TEX15: variants seen among roughly 807,000 people sequenced by gnomAD.
TEX15 encodes the protein testis-expressed protein 15.
TEX15 carries 171 observed loss-of-function variants against 237.3 expected under a neutral mutation model. That is an observed-to-expected ratio of 0.72 (90% CI 0.64 to 0.82). The LOEUF (loss-of-function observed/expected upper bound fraction) is 0.82, where lower values mean the gene tolerates loss of function less well. TEX15 is among the 40% of genes least tolerant of loss of function. The pLI is 0.00. For missense variants in TEX15, 3,750 were observed against 3,646.5 expected (o/e 1.03, Z -0.73); for synonymous variants, 1,338 against 1,269.8 (o/e 1.05, Z -1.14).
At chr8:30,893,112 CTT>C (rs1243867961) in intron 2 of TEX15, among the ~76,000 whole-genome samples, 1 of 151,814 alleles carries the variant, frequency 6.6e-6, no homozygotes, top group Non-Finnish European at 1.5e-5. Flanking sequence ...GTACCAGACA[CTT>C]TTCTAAATGC....
intron 2 of TEX15, among the ~76,000 whole-genome samples, chr8:30,889,168 C>T (rs541341750): frequency 5.9e-5 from 9 of 152,304 alleles, no homozygotes; most frequent in Non-Finnish European, 1.5e-5. Flanking sequence ...AAGCACAATC[C>T]TCAATACTGT....
chr8:30,844,666 A>G lies in TEX15; in HGVS notation c.5501T>C (p.Ile1834Thr), dbSNP rs1207386704. 4 of 1,613,236 alleles carry G rather than the reference A, an allele frequency of 2.5e-6. No individual in the cohort carries two copies. Among genetic ancestry groups the G allele is most frequent in the Non-Finnish European group, 3.4e-6 (4 of 1,179,632 alleles). The change falls in exon 8 of 11, where the codon ATT becomes ACT. Residue 1834 changes from isoleucine (I) to threonine (T), a missense_variant. Physicochemically the swap from Ile to Thr is moderately conservative, Grantham distance 89. Coordinates refer to ENST00000643185, the MANE Select transcript of TEX15 (RefSeq NM_001350162.2). Reference protein sequence around the residue: ...NVKGSSSETCIVKKDTEDRIT... With the variant: ...NVKGSSSETCTVKKDTEDRIT... ...TCTGTCCTCAGTGTCTTTCTTCACA[A>G]TACATGTTTCTGAAGAGGAGCCTTT... is the stretch of plus-strand genomic sequence containing the variant.
chr8:30,847,153 T>C lies in TEX15; in HGVS notation c.3014A>G (p.Tyr1005Cys). ...LSLNNDDHQI[Y>C]QFKETCSSES... is the part of the protein sequence containing the mutation. ...AGAAGAACAAGTTTCTTTAAACTGG[T>C]ATATCTGGTGATCGTCATTATTTAG... The change falls in exon 8 of 11, where the codon TAC becomes TGC. Residue 1005 changes from tyrosine to cysteine, a missense_variant. Transcript: ENST00000643185. The C allele has an allele frequency of 6.2e-7, 1 of 1,613,870 alleles. No homozygotes were observed. Among genetic ancestry groups the C allele is most frequent in the Non-Finnish European group, 8.5e-7 (1 of 1,179,840 alleles).
intron 10 of TEX15, among the ~76,000 whole-genome samples, chr8:30,834,347 T>G (rs1208477625): frequency 1.3e-5 from 2 of 152,126 alleles, no homozygotes; most frequent in Admixed American, 6.5e-5. Context: ...TAATTTTGTA[T>G]TTTTAGTAGA....
At chr8:30,868,907 T>C (rs1808231033) in intron 4 of TEX15, among the ~76,000 whole-genome samples, 2 of 150,992 alleles carry the variant, frequency 1.3e-5, no homozygotes, top group South Asian at 4.2e-4. Flanking sequence ...CTGACTACCA[T>C]TATATCATCA....
chr8:30,837,818 ATTTCT>A lies in TEX15; in HGVS notation c.8461_8465del (p.Arg2821CysfsTer7), dbSNP rs1807344901. ...TTGTTTCAGCAGCACTGAAGTTCAC[ATTTCT>A]TTTCTTCATGCTATTTAAATTTTCC... is the stretch of plus-strand genomic sequence containing the variant. On this transcript the variant is annotated frameshift_variant, in exon 10 of 11. Transcript: ENST00000643185. LOFTEE classifies it high-confidence loss of function. 1 of 1,614,004 alleles carries A rather than the reference ATTTCT, an allele frequency of 6.2e-7. No individual in the cohort carries two copies. Among genetic ancestry groups the A allele is most frequent in the Non-Finnish European group, 8.5e-7 (1 of 1,180,010 alleles).
At chr8:30,883,345 C>G (rs1808574003) in intron 3 of TEX15, among the ~76,000 whole-genome samples, 1 of 151,860 alleles carries the variant, frequency 6.6e-6, no homozygotes, top group Admixed American at 6.6e-5. Flanking sequence ...ATAACGATTC[C>G]TGGCTATTCC....
At position 30,843,380 on chromosome 8, in the gene TEX15, A is replaced by G. The variant is rs1244301758; in HGVS notation, c.6787T>C (p.Ser2263Pro). ...AAGATATGTTCCAGACCATAAAGAG[A>G]TATTTTAACACGTACTGCCTCGTTG... ...KNNEAVRVKI[S>P]LYGLEHIFFD... Residue 2263 changes from serine (S) to proline (P), a missense_variant, in exon 8 of 11, where the codon TCT becomes CCT. Ser to Pro is a moderately conservative substitution (Grantham distance 74). Coordinates refer to ENST00000643185, the MANE Select transcript of TEX15 (RefSeq NM_001350162.2). 6.2e-7 allele frequency: 1 copy of G among 1,612,952 alleles called. No homozygotes were observed. Among genetic ancestry groups the G allele is most frequent in the Admixed American group, 1.7e-5 (1 of 59,988 alleles).
chr8:30,894,132 T>A lies in TEX15; in HGVS notation c.-10+4610A>T, dbSNP rs574287627. Among the ~76,000 whole-genome samples, 16 of 152,322 alleles carry A rather than the reference T, an allele frequency of 1.1e-4. 1 individual carries two copies. In the East Asian group the frequency reaches 3.1e-3, roughly 29 times the overall value. ...TTCTTAAAAAAATCTGCTTCTCACA[T>A]TTTAAAGCCTTTCTCATTTCTTTAA... On this transcript the variant is annotated intron_variant, in intron 2 of 10. Coordinates refer to ENST00000643185, the MANE Select transcript of TEX15 (RefSeq NM_001350162.2).
At chr8:30,886,338 C>A (rs1297922365) in intron 3 of TEX15, among the ~76,000 whole-genome samples, 1 of 152,176 alleles carries the variant, frequency 6.6e-6, no homozygotes, top group Admixed American at 6.5e-5. Context: ...CCTGTTACCA[C>A]TGCAAAGGGC....
At position 30,882,204 on chromosome 8, in the gene TEX15, G is replaced by T. The variant is rs189565646; in HGVS notation, c.136+4963C>A. 2.6e-5 allele frequency among the ~76,000 whole-genome samples: 4 copies of T among 152,264 alleles called. No homozygotes were observed. In the East Asian group the frequency reaches 7.7e-4, roughly 29 times the overall value. ...ATTCCTAGCCTCAAGCAAGCCCCTT[G>T]CCCCCTACTTACTTTCCAAGTGTCT... is the stretch of plus-strand genomic sequence containing the variant. On this transcript the variant is annotated intron_variant, in intron 3 of 10. Coordinates refer to ENST00000643185, the MANE Select transcript of TEX15 (RefSeq NM_001350162.2).
chr8:30,834,698 G>A (rs1042708381), intron 10 of TEX15, among the ~76,000 whole-genome samples: 2 of 152,188 alleles, frequency 1.3e-5, no homozygotes, highest in African/African-American at 4.8e-5. Flanking sequence ...GTTCAACGTG[G>A]CTTGAATGCA....
At chr8:30,838,999 A>G (rs1807383405) in intron 9 of TEX15, among the ~76,000 whole-genome samples, 1 of 151,580 alleles carries the variant, frequency 6.6e-6, no homozygotes, top group Non-Finnish European at 1.5e-5. Flanking sequence ...TATTTTTAGT[A>G]GAGATAGTGT....
At chr8:30,901,792 T>C (rs1326678086) in intron 1 of TEX15, among the ~76,000 whole-genome samples, 2 of 152,188 alleles carry the variant, frequency 1.3e-5, no homozygotes, top group Non-Finnish European at 2.9e-5. Context: ...AGTCTTATGT[T>C]GAAAGAGAAG....
At chr8:30,856,873 A>G (rs1807923312) in intron 7 of TEX15, among the ~76,000 whole-genome samples, 1 of 152,226 alleles carries the variant, frequency 6.6e-6, no homozygotes, top group African/African-American at 2.4e-5. Flanking sequence ...TATAGATTCC[A>G]TCAATCTCAA....
chr8:30,904,872 A>G (rs1809069053), intron 1 of TEX15, among the ~76,000 whole-genome samples: 2 of 152,206 alleles, frequency 1.3e-5, no homozygotes, highest in Non-Finnish European at 2.9e-5. Context: ...GTATTACTTG[A>G]TAAGGTTAAA....
rs1488512366 is a variant in TEX15, at chr8:30,836,851, G to T, written c.9433C>A (p.Pro3145Thr). ...GGCACAAATCGATTAGGAAGGTAAGGGTATGTAGCTTGTGGTAATGGCTGA... is the reference window on the plus strand; with the variant it reads ...GGCACAAATCGATTAGGAAGGTAAGTGTATGTAGCTTGTGGTAATGGCTGA... Reference protein sequence around the residue: ...SHQPLPQATYPYLPNRFVPPE... With the variant: ...SHQPLPQATYTYLPNRFVPPE... The change falls in exon 10 of 11, where the codon CCT becomes ACT. Residue 3145 changes from proline (P) to threonine (T), a missense_variant. By Grantham distance (38) the Pro-to-Thr change is conservative. Coordinates refer to ENST00000643185, the MANE Select transcript of TEX15 (RefSeq NM_001350162.2). The T allele has an allele frequency of 3.1e-6, 5 of 1,613,864 alleles. No individual in the cohort carries two copies. The highest frequency in any genetic ancestry group is 1.1e-5 in the South Asian group (1 of 91,038).
Position 30,847,993 on chromosome 8 carries a change from G to T in TEX15, c.2174C>A (p.Pro725His), listed in dbSNP as rs1017517481. ...ACCCTCATACTCCACAGAGTGCTGA[G>T]GATGCTTTTGTGACAGGCTCTCAAA... ...PSFESLSQKH[P>H]QHSVEYEGNI... The change falls in exon 8 of 11, where the codon CCT (proline) becomes CAT (histidine). Residue 725 changes from proline (P) to histidine (H), a missense_variant. Pro to His is a moderately conservative substitution (Grantham distance 77). Coordinates refer to ENST00000643185, the MANE Select transcript of TEX15 (RefSeq NM_001350162.2). 3.0e-5 allele frequency: 49 copies of T among 1,613,846 alleles called. No individual in the cohort carries two copies. The highest frequency in any genetic ancestry group is 4.1e-5 in the Non-Finnish European group (48 of 1,179,950).
At position 30,844,073 on chromosome 8, in the gene TEX15, C is replaced by T. The variant is rs778475798; in HGVS notation, c.6094G>A (p.Glu2032Lys). 2 of 1,611,762 alleles carry T rather than the reference C, an allele frequency of 1.2e-6. No homozygotes were observed. The highest frequency in any genetic ancestry group is 2.7e-5 in the African/African-American group (2 of 74,776). Residue 2032 changes from glutamate to lysine, a missense_variant, in exon 8 of 11, where the codon GAA (glutamate) becomes AAA (lysine). Transcript: ENST00000643185. ...VCLNILPLFV[E>K]AFERKQECSV... ...CATTCTTGCTTTCTTTCAAAAGCTT[C>T]CACAAATAAAGGGAGAATATTTAGA...
Sources: gnomAD v4.1 joint callset for allele counts (sites outside exome capture counted in the v4.1 genomes callset) on GRCh38, gnomAD v4.1.1 for gene constraint, MANE v1.5 for transcripts, NCBI Gene and HGNC (gene_info 2026-07-23, HGNC 2026-07-21) for gene names.